MCC: variants seen among roughly 807,000 people sequenced by gnomAD.
MCC encodes colorectal mutant cancer protein.
MCC carries 90 observed loss-of-function variants against 116.2 expected under a neutral mutation model. That is an observed-to-expected ratio of 0.77 (90% confidence interval 0.65 to 0.92). The LOEUF (loss-of-function observed/expected upper bound fraction) is 0.92. MCC is among the 40% of genes least tolerant of loss of function. The pLI is 0.00. For synonymous variants in MCC, 578 were observed against 510.5 expected, an observed-to-expected ratio of 1.13 and a Z score of -1.78; for missense variants, 1,516 against 1,312.2, an observed-to-expected ratio of 1.16 and a Z score of -2.40.
intron 1 of MCC, among the ~76,000 whole-genome samples, chr5:113,401,835 A>C (rs1404344422): frequency 6.6e-6 from 1 of 151,694 alleles, no homozygotes; most frequent in Non-Finnish European, 1.5e-5. Context: ...TTAAAATTTT[A>C]CATATTTTTA....
chr5:113,189,843 A>T (rs1362645429), intron 3 of MCC, among the ~76,000 whole-genome samples: 1 of 152,236 alleles, frequency 6.6e-6, no homozygotes, highest in Non-Finnish European at 1.5e-5. Flanking sequence ...TTAATTAAGC[A>T]GCCACCTATA....
rs531835270 is a variant in MCC, at chr5:113,143,843, T to A, written c.742-483A>T. Among the ~76,000 whole-genome samples the A allele has an allele frequency of 1.2e-4, 18 of 152,306 alleles. No individual in the cohort carries two copies. The South Asian group carries it at 2.7e-3, about 23-fold the overall frequency. On this transcript the variant is annotated intron_variant, in intron 4 of 18. Transcript: ENST00000408903. ...TCCTTTATGGCTGTTCAGTTTCCCT[T>A]TTTACCAATTCACCCCTCCTTTGCT...
At chr5:113,252,043 C>G (rs1764822325) in intron 3 of MCC, among the ~76,000 whole-genome samples, 1 of 152,192 alleles carries the variant, frequency 6.6e-6, no homozygotes, top group Non-Finnish European at 1.5e-5. Context: ...CCACAAAAAT[C>G]AACAGAGAGT....
At chr5:113,240,014 G>C (rs1418410473) in intron 3 of MCC, among the ~76,000 whole-genome samples, 3 of 152,116 alleles carry the variant, frequency 2.0e-5, no homozygotes, top group South Asian at 4.2e-4. Context: ...CTGCCTTTTT[G>C]AAAAGTCCAA....
At chr5:113,098,622 G>C (rs1433752224) in intron 8 of MCC, among the ~76,000 whole-genome samples, 1 of 152,220 alleles carries the variant, frequency 6.6e-6, no homozygotes, top group East Asian at 1.9e-4. Context: ...TTGCTCCTTA[G>C]GTACTGCTCT....
intron 1 of MCC, among the ~76,000 whole-genome samples, chr5:113,450,588 G>A (rs952308584): frequency 6.6e-6 from 1 of 152,314 alleles, no homozygotes; most frequent in Admixed American, 6.5e-5. Context: ...TGTAACAGAT[G>A]TTCTCACAGC....
In MCC at chr5:113,360,682, T is replaced by A. The variant is rs145089674; in HGVS notation, c.416-19952A>T. Among the ~76,000 whole-genome samples the A allele has an allele frequency of 7.9e-4, 121 of 152,362 alleles. 2 individuals carry two copies. In the East Asian group the frequency reaches 0.02, roughly 26 times the overall value. On this transcript the variant is annotated intron_variant, in intron 2 of 18. Coordinates refer to ENST00000408903, the MANE Select transcript of MCC (RefSeq NM_001085377.2). ...TAAATTATGTTTTTCTGGAAATTCA[T>A]CTATTTTATCTAAAATTTTGCAAAT...
chr5:113,139,726 C>G (rs147120431), intron 5 of MCC, among the ~76,000 whole-genome samples: 1 of 152,124 alleles, frequency 6.6e-6, no homozygotes, highest in African/African-American at 2.4e-5. Flanking sequence ...ACTAGACATA[C>G]CATTTGACCT....
chr5:113,101,435 T>C (rs1756402233), intron 8 of MCC: 2 of 332,760 alleles, frequency 6.0e-6, no homozygotes, highest in East Asian at 1.2e-4. Context: ...AAGAACATTT[T>C]AATTGAGCTT....
chr5:113,083,235 C>G (rs1344915110), intron 10 of MCC, among the ~76,000 whole-genome samples: 3 of 151,918 alleles, frequency 2.0e-5, no homozygotes, highest in African/African-American at 7.3e-5. Context: ...GGCTCCTTCC[C>G]CAAGCACGTG....
chr5:113,145,819 G>A (rs1487219400), intron 4 of MCC, among the ~76,000 whole-genome samples: 1 of 150,488 alleles, frequency 6.6e-6, no homozygotes, highest in Non-Finnish European at 1.5e-5. Flanking sequence ...AGACCCTGTG[G>A]GGCTGCCCAG....
At chr5:113,302,456 A>C (rs1014915950) in intron 3 of MCC, among the ~76,000 whole-genome samples, 1 of 152,218 alleles carries the variant, frequency 6.6e-6, no homozygotes, top group African/African-American at 2.4e-5. Context: ...TAACTATAAA[A>C]AATTATGAAT....
intron 15 of MCC, among the ~76,000 whole-genome samples, chr5:113,051,155 T>C (rs948050436): frequency 2.0e-5 from 3 of 151,996 alleles, no homozygotes; most frequent in East Asian, 1.9e-4. Flanking sequence ...GATCTAAACA[T>C]AGAACCACTC....
intron 5 of MCC, among the ~76,000 whole-genome samples, chr5:113,123,848 G>C (rs913526047): frequency 2.6e-5 from 4 of 152,184 alleles, no homozygotes; most frequent in African/African-American, 4.8e-5. Flanking sequence ...TGTGAAGAAA[G>C]CTAGGAATCA....
At chr5:113,054,442 T>C (rs1214481510) in intron 14 of MCC, among the ~76,000 whole-genome samples, 1 of 152,122 alleles carries the variant, frequency 6.6e-6, no homozygotes, top group Non-Finnish European at 1.5e-5. Flanking sequence ...TTAAAAAAGG[T>C]ATATTTAAGG....
chr5:113,173,397 G>T (rs1761172049), intron 3 of MCC, among the ~76,000 whole-genome samples: 1 of 152,112 alleles, frequency 6.6e-6, no homozygotes. Context: ...ACATCTTTAT[G>T]TTACTCTAAA....
At chr5:113,273,804 T>C (rs891598369) in intron 3 of MCC, among the ~76,000 whole-genome samples, 10 of 151,978 alleles carry the variant, frequency 6.6e-5, no homozygotes, top group East Asian at 5.8e-4. Flanking sequence ...TTCTCATCCA[T>C]ATTAGACGGG....
intron 3 of MCC, among the ~76,000 whole-genome samples, chr5:113,324,896 A>C (rs7736171): frequency 0.03 from 4,556 of 150,224 alleles, 232 homozygotes; most frequent in African/African-American, 0.1. Flanking sequence ...GCGGTGGTGC[A>C]GTCATAGCTC....
chr5:113,440,857 T>C (rs901919369), intron 1 of MCC, among the ~76,000 whole-genome samples: 1 of 152,220 alleles, frequency 6.6e-6, no homozygotes, highest in Non-Finnish European at 1.5e-5. Context: ...CTATGGCTGA[T>C]AATGAAAGAT....
Sources: gnomAD v4.1 joint callset for allele counts (sites outside exome capture counted in the v4.1 genomes callset) on GRCh38, gnomAD v4.1.1 for gene constraint, MANE v1.5 for transcripts, NCBI Gene and HGNC (gene_info 2026-07-23, HGNC 2026-07-21) for gene names.